KIRREL1: variants seen among roughly 807,000 people sequenced by gnomAD.
KIRREL1 encodes kin of IRRE-like protein 1.
A neutral mutation model predicts 83.3 loss-of-function variants in KIRREL1; 25 were observed. The ratio of observed to expected loss-of-function variants is 0.30; its 90% confidence interval spans 0.22 to 0.42. The LOEUF (loss-of-function observed/expected upper bound fraction) is 0.42. Among genes scored for constraint, KIRREL1 ranks in the 10% least tolerant of loss-of-function variants. The probability of loss-of-function intolerance (pLI) is 1.00; values close to 1 mark genes in which losing one functional copy is unlikely to be tolerated. For missense variants in KIRREL1, 812 were observed against 1,032.3 expected, an observed-to-expected ratio of 0.79 and a Z score of 2.92; for synonymous variants, 388 against 410.4, an observed-to-expected ratio of 0.95 and a Z score of 0.66.
chr1:158,046,210 G>A (rs1660772841), intron 1 of KIRREL1, among the ~76,000 whole-genome samples: 1 of 152,158 alleles, frequency 6.6e-6, no homozygotes, highest in Non-Finnish European at 1.5e-5. Context: ...CACAAAAAGT[G>A]GTCCATTTCT....
rs376395812 is a variant in KIRREL1 at position 158,073,914 on chromosome 1, C to A, written c.53-2199C>A. Among the ~76,000 whole-genome samples the A allele has an allele frequency of 5.3e-5, 8 of 152,262 alleles. No individual in the cohort carries two copies. The East Asian group carries it at 9.7e-4, about 18-fold the overall frequency. Reference sequence around the variant, plus strand: ...CCAGGCTCCATGCAGGAAAGCCATGCGTATAAATTCCACCTCTGAGCCAGG... The same window carrying A: ...CCAGGCTCCATGCAGGAAAGCCATGAGTATAAATTCCACCTCTGAGCCAGG... On this transcript the variant is annotated intron_variant, in intron 1 of 14. Coordinates refer to ENST00000359209, the MANE Select transcript of KIRREL1 (RefSeq NM_018240.7).
rs770653989 is a variant in KIRREL1, at chr1:158,096,250, G to A, written c.*1130G>A. 2.0e-5 allele frequency: 5 copies of A among 252,104 alleles called. No homozygotes were observed. The highest frequency in any genetic ancestry group is 3.9e-5 in the Non-Finnish European group (5 of 127,884). 15.6% of individuals were successfully genotyped at this position (252,104 alleles called of 1,614,324 possible). On this transcript the variant is annotated 3_prime_UTR_variant, in exon 15 of 15. Transcript: ENST00000359209. ...CAGGTTGCCAGACCTGTCACACAGT[G>A]GACTCTGATAGGGTTACGGAGGGGG... is the stretch of plus-strand genomic sequence containing the variant.
At chr1:158,063,784 T>C (rs2101608647) in intron 1 of KIRREL1, among the ~76,000 whole-genome samples, 1 of 152,356 alleles carries the variant, frequency 6.6e-6, no homozygotes, top group African/African-American at 2.4e-5. Flanking sequence ...CCTCGGATCT[T>C]GTCAAAGACA....
intron 11 of KIRREL1, 53 bp from the exon 12 acceptor site, chr1:158,093,286 G>A (rs1419472932): frequency 6.8e-7 from 1 of 1,469,912 alleles, no homozygotes; most frequent in African/African-American, 1.4e-5. Context: ...ACTGAGCTTA[G>A]CTCCCAGTAT....
intron 1 of KIRREL1, among the ~76,000 whole-genome samples, chr1:158,039,682 C>G (rs898587175): frequency 5.9e-5 from 9 of 152,196 alleles, no homozygotes; most frequent in Admixed American, 1.3e-4. Context: ...CAGTTCTTTC[C>G]TTTTCCTCCC....
chr1:157,996,458 G>T (rs915709502), intron 1 of KIRREL1, among the ~76,000 whole-genome samples: 1 of 152,082 alleles, frequency 6.6e-6, no homozygotes, highest in South Asian at 2.1e-4. Context: ...GCCTCCGTGG[G>T]GGGGATGGAT....
At chr1:158,025,125 C>T (rs932976769) in intron 1 of KIRREL1, among the ~76,000 whole-genome samples, 4 of 152,124 alleles carry the variant, frequency 2.6e-5, no homozygotes, top group Non-Finnish European at 4.4e-5. Flanking sequence ...TGGACTAATG[C>T]GTGGATTGAA....
intron 1 of KIRREL1, among the ~76,000 whole-genome samples, chr1:158,023,572 G>A (rs766857834): frequency 3.9e-5 from 6 of 152,112 alleles, no homozygotes; most frequent in African/African-American, 1.4e-4. Flanking sequence ...TCCATTCTCC[G>A]TTTAAAAGGC....
chr1:158,076,942 G>T (rs1661696900), intron 2 of KIRREL1, among the ~76,000 whole-genome samples: 1 of 152,226 alleles, frequency 6.6e-6, no homozygotes, highest in African/African-American at 2.4e-5. Context: ...GCCTCCGCCA[G>T]CTGGGTGACC....
chr1:158,045,452 A>G (rs992112443), intron 1 of KIRREL1, among the ~76,000 whole-genome samples: 1 of 152,222 alleles, frequency 6.6e-6, no homozygotes, highest in African/African-American at 2.4e-5. Context: ...ATTTGACAGA[A>G]TGACTCTCAG....
intron 1 of KIRREL1, among the ~76,000 whole-genome samples, chr1:158,063,936 C>T (rs1024866874): frequency 3.3e-5 from 5 of 152,144 alleles, no homozygotes; most frequent in Non-Finnish European, 7.3e-5. Flanking sequence ...CTAGGTCTGT[C>T]GTGTTCACCT....
chr1:158,074,573 C>A (rs1266969367), intron 1 of KIRREL1, among the ~76,000 whole-genome samples: 1 of 152,196 alleles, frequency 6.6e-6, no homozygotes, highest in African/African-American at 2.4e-5. Flanking sequence ...TACCCCTGAT[C>A]ATTTGAGAGA....
At chr1:157,996,043 G>T (rs1003353588) in intron 1 of KIRREL1, among the ~76,000 whole-genome samples, 2 of 150,564 alleles carry the variant, frequency 1.3e-5, no homozygotes, top group African/African-American at 2.5e-5. Flanking sequence ...GGAAACGGAG[G>T]GGGGCGCTAC....
At chr1:158,017,792 C>A (rs1293127907) in intron 1 of KIRREL1, among the ~76,000 whole-genome samples, 2 of 147,410 alleles carry the variant, frequency 1.4e-5, no homozygotes. Context: ...TAATTACTTA[C>A]AAGGAAAAAA....
Position 158,094,592 on chromosome 1 carries a change from TC to T in KIRREL1, c.1798-48del. ...CCCAGAAAGCCATGGTGAGACTTGA[TC>T]CCCACCCAAGAGGGAACACTGCCTC... is the stretch of plus-strand genomic sequence containing the variant. On this transcript the variant is annotated intron_variant, in intron 14 of 14. Transcript: ENST00000359209. The surrounding 1 kb of genome is among the most constrained non-coding windows in gnomAD (Gnocchi z 4.6). The T allele has an allele frequency of 6.9e-7, 1 of 1,457,360 alleles. No individual in the cohort carries two copies. Among genetic ancestry groups the T allele is most frequent in the Non-Finnish European group, 9.4e-7 (1 of 1,059,662 alleles). The allele number at this position is 1,457,360 out of a possible 1,614,324, so 90.3% of individuals were successfully genotyped here.
rs1425478602 is a variant in KIRREL1 at position 158,059,077 on chromosome 1, C to T, written c.53-17036C>T. Among the ~76,000 whole-genome samples the T allele has an allele frequency of 9.2e-5, 14 of 152,138 alleles. 2 individuals carry two copies. The highest frequency in any genetic ancestry group is 9.2e-4 in the Admixed American group (14 of 15,278). On this transcript the variant is annotated intron_variant, in intron 1 of 14. Transcript: ENST00000359209. ...ACCCTACACAGCACCCTTCCCACTG[C>T]ATGTTTCCCATGGGCACCCAATAGA...
chr1:158,003,770 A>C (rs1435460127), intron 1 of KIRREL1, among the ~76,000 whole-genome samples: 1 of 151,290 alleles, frequency 6.6e-6, no homozygotes, highest in Non-Finnish European at 1.5e-5. Context: ...GTTTGAGCCA[A>C]ATATAATTAG....
intron 1 of KIRREL1, among the ~76,000 whole-genome samples, chr1:158,072,727 ATG>A (rs755174179): frequency 6.6e-6 from 1 of 151,984 alleles, no homozygotes; most frequent in Non-Finnish European, 1.5e-5. Context: ...GAAAAAGAGA[ATG>A]TGGAGCAGAG....
intron 1 of KIRREL1, among the ~76,000 whole-genome samples, chr1:158,063,787 C>T (rs575140886): frequency 1.4e-4 from 21 of 152,226 alleles, no homozygotes; most frequent in Non-Finnish European, 2.8e-4. Context: ...CGGATCTTGT[C>T]AAAGACATCA....
Sources: allele counts gnomAD v4.1 joint callset (sites outside exome capture counted in the v4.1 genomes callset), GRCh38; gene constraint gnomAD v4.1.1; non-coding constraint Gnocchi (gnomAD v3.1); transcripts MANE v1.5; gene names NCBI Gene and HGNC (gene_info 2026-07-23, HGNC 2026-07-21).